SEZ6L: variants seen among roughly 807,000 people sequenced by gnomAD.
The protein encoded by SEZ6L is seizure related 6 homolog like.
In SEZ6L, 37 loss-of-function variants were observed where a neutral mutation model predicts 106.2. That is an observed-to-expected ratio of 0.35 (90% CI 0.27 to 0.46). The LOEUF (loss-of-function observed/expected upper bound fraction) is 0.46, where lower values mean the gene tolerates loss of function less well. Ranked by LOEUF, SEZ6L falls within the 20% of genes least tolerant of loss-of-function variation. SEZ6L has a pLI of 1.00. For missense variants in SEZ6L, 1,172 were observed against 1,332.8 expected, an observed-to-expected ratio of 0.88 and a Z score of 1.88; for synonymous variants, 541 against 570.4, an observed-to-expected ratio of 0.95 and a Z score of 0.73.
intron 1 of SEZ6L, among the ~76,000 whole-genome samples, chr22:26,227,715 A>C (rs1288037279): frequency 6.6e-6 from 1 of 150,536 alleles, no homozygotes; most frequent in Non-Finnish European, 1.5e-5. Flanking sequence ...CACCACACCC[A>C]CCCTTTGTTC....
At chr22:26,196,671 G>A (rs1046543249) in intron 1 of SEZ6L, among the ~76,000 whole-genome samples, 2 of 152,212 alleles carry the variant, frequency 1.3e-5, no homozygotes, top group African/African-American at 4.8e-5. Flanking sequence ...GAATGGTAGG[G>A]AAAGACCAGG....
chr22:26,338,691 C>T (rs2082721571), intron 9 of SEZ6L, among the ~76,000 whole-genome samples: 1 of 152,094 alleles, frequency 6.6e-6, no homozygotes, highest in Admixed American at 6.5e-5. Flanking sequence ...TCCCGAGTAG[C>T]TGGAACTACA....
Position 26,249,310 on chromosome 22 carries a change from C to T in SEZ6L, c.95-43096C>T, listed in dbSNP as rs575919166. Among the ~76,000 whole-genome samples, 4 of 152,290 alleles carry T rather than the reference C, an allele frequency of 2.6e-5. No individual in the cohort carries two copies. In the East Asian group the frequency reaches 7.7e-4, roughly 29 times the overall value. ...AGTTTGTATCCACTAACCAACCTCT[C>T]CTTCTCCTCTCCCCTTATCCTTCCC... On this transcript the variant is annotated intron_variant, in intron 1 of 16. Transcript: ENST00000248933.
At chr22:26,178,448 G>A (rs1327834066) in intron 1 of SEZ6L, among the ~76,000 whole-genome samples, 1 of 152,232 alleles carries the variant, frequency 6.6e-6, no homozygotes, top group African/African-American at 2.4e-5. Context: ...GAGCAGGGAA[G>A]GATTGAGTGA....
rs2123747914 is a variant in SEZ6L at position 26,169,516 on chromosome 22, C to T, written c.-154C>T. 2 of 365,260 alleles carry T rather than the reference C, an allele frequency of 5.5e-6. No homozygotes were observed. Among genetic ancestry groups the T allele is most frequent in the Middle Eastern group, 7.2e-4 (1 of 1,392 alleles). 22.6% of individuals were successfully genotyped at this position (365,260 alleles called of 1,614,324 possible). On this transcript the variant is annotated 5_prime_UTR_variant, in exon 1 of 17. Coordinates refer to ENST00000248933, the MANE Select transcript of SEZ6L (RefSeq NM_021115.5). ...GCCAGAGCGACCGCGGGGCTGAGCGCGCGTCCGCCCAGGGGGCTCCGGAAG... is the reference window on the plus strand; with the variant it reads ...GCCAGAGCGACCGCGGGGCTGAGCGTGCGTCCGCCCAGGGGGCTCCGGAAG...
intron 1 of SEZ6L, among the ~76,000 whole-genome samples, chr22:26,209,851 TGAAGGAAAGAAGGGAGAGAGGAAG>T (rs1258597291): frequency 2.3e-4 from 16 of 70,980 alleles, no homozygotes; most frequent in East Asian, 6.3e-4. Context: ...AAGGAAGGAA[TGAAGGAAAGAAGGGAGAGAGGAAG>T]GAAGGAAAGA....
chr22:26,260,501 T>C (rs2079965494), intron 1 of SEZ6L, among the ~76,000 whole-genome samples: 1 of 152,220 alleles, frequency 6.6e-6, no homozygotes, highest in Admixed American at 6.5e-5. Context: ...TATTCCATCA[T>C]ATATACATAT....
chr22:26,292,680 G>C lies in SEZ6L; in HGVS notation c.369G>C (p.Lys123Asn). 1 of 1,613,520 alleles carries C rather than the reference G, an allele frequency of 6.2e-7. No individual in the cohort carries two copies. Among genetic ancestry groups the C allele is most frequent in the Non-Finnish European group, 8.5e-7 (1 of 1,179,928 alleles). Residue 123 changes from lysine (K) to asparagine (N), a missense_variant, in exon 2 of 17, where the codon AAG becomes AAC. Transcript: ENST00000248933. Reference protein sequence around the residue: ...LPPKKKLPSLKQVNSARKQLR... With the variant: ...LPPKKKLPSLNQVNSARKQLR... The stretch of plus-strand genomic sequence containing the variant: ...CCAAGAAGAAACTGCCTTCGCTCAA[G>C]CAGGTGAACTCTGCCAGGAAGCAGC...
intron 5 of SEZ6L, among the ~76,000 whole-genome samples, chr22:26,300,979 A>T (rs1455325520): frequency 6.6e-6 from 1 of 152,160 alleles, no homozygotes; most frequent in African/African-American, 2.4e-5. Context: ...AAAATTAAAT[A>T]TTTTTTTCTT....
At chr22:26,267,491 T>C (rs1048223434) in intron 1 of SEZ6L, among the ~76,000 whole-genome samples, 1 of 152,218 alleles carries the variant, frequency 6.6e-6, no homozygotes, top group Non-Finnish European at 1.5e-5. Flanking sequence ...ACTGGAATTC[T>C]GCAAAACACT....
At chr22:26,332,730 G>A (rs1356660319) in intron 9 of SEZ6L, among the ~76,000 whole-genome samples, 1 of 152,336 alleles carries the variant, frequency 6.6e-6, no homozygotes, top group Non-Finnish European at 1.5e-5. Context: ...TTACAAGCAT[G>A]AACCATCATG....
intron 1 of SEZ6L, among the ~76,000 whole-genome samples, chr22:26,211,298 G>A (rs903310560): frequency 1.3e-5 from 2 of 152,210 alleles, no homozygotes; most frequent in African/African-American, 4.8e-5. Flanking sequence ...AGTTGATGCA[G>A]TTTGTTGGAA....
chr22:26,242,549 T>G (rs1263958871), intron 1 of SEZ6L, among the ~76,000 whole-genome samples: 5 of 152,106 alleles, frequency 3.3e-5, no homozygotes, highest in Admixed American at 6.5e-5. Flanking sequence ...CCACGACTAT[T>G]GATACCCGTG....
intron 1 of SEZ6L, among the ~76,000 whole-genome samples, chr22:26,258,785 A>C (rs1349419065): frequency 6.6e-6 from 1 of 152,232 alleles, no homozygotes; most frequent in Non-Finnish European, 1.5e-5. Context: ...TGAGGCTGCA[A>C]GTGCAGACCT....
chr22:26,258,091 C>G (rs550173933), intron 1 of SEZ6L, among the ~76,000 whole-genome samples: 1 of 152,234 alleles, frequency 6.6e-6, no homozygotes, highest in African/African-American at 2.4e-5. Flanking sequence ...ACTAAACAGT[C>G]TTTTGTGAGC....
At chr22:26,354,526 AGGACGTCAG>A (rs2083377717) in intron 12 of SEZ6L, among the ~76,000 whole-genome samples, 4 of 152,310 alleles carry the variant, frequency 2.6e-5, no homozygotes, top group African/African-American at 9.6e-5. Context: ...GGGCAGCCCT[AGGACGTCAG>A]TGTCATTCCC....
At chr22:26,291,113 A>G (rs537469604) in intron 1 of SEZ6L, among the ~76,000 whole-genome samples, 2 of 152,382 alleles carry the variant, frequency 1.3e-5, no homozygotes, top group East Asian at 1.9e-4. Context: ...AGGAATATAA[A>G]TCATTCTGTT....
At chr22:26,306,403 T>C (rs1263875270) in intron 6 of SEZ6L, among the ~76,000 whole-genome samples, 2 of 152,234 alleles carry the variant, frequency 1.3e-5, no homozygotes, top group African/African-American at 4.8e-5. Context: ...AAAAGGGAAC[T>C]GCCCTATTCT....
At chr22:26,271,608 T>C (rs998342773) in intron 1 of SEZ6L, among the ~76,000 whole-genome samples, 2 of 152,160 alleles carry the variant, frequency 1.3e-5, no homozygotes, top group African/African-American at 4.8e-5. Context: ...GATCTGGTTG[T>C]TTACAAGTAT....
Sources: gnomAD v4.1 joint callset for allele counts (sites outside exome capture counted in the v4.1 genomes callset) on GRCh38, gnomAD v4.1.1 for gene constraint, MANE v1.5 for transcripts, NCBI Gene and HGNC (gene_info 2026-07-23, HGNC 2026-07-21) for gene names.